Variants in TLCD4 observed in about 807,000 individuals in gnomAD.
The protein encoded by TLCD4 is TLC domain containing 4.
A neutral mutation model predicts 24.2 loss-of-function variants in TLCD4; 7 were observed. That is an observed-to-expected ratio of 0.29 (90% CI 0.16 to 0.54). TLCD4 has a LOEUF of 0.54. TLCD4 is among the 20% of genes least tolerant of loss of function. The probability of loss-of-function intolerance (pLI) is 0.95; values close to 1 mark genes in which losing one functional copy is unlikely to be tolerated. For missense variants in TLCD4, 259 were observed against 313.9 expected (o/e 0.82, Z 1.32); for synonymous variants, 103 against 106.4 (o/e 0.97, Z 0.20).
At chr1:95,120,410 C>G (rs796641780) in intron 1 of TLCD4, 15 of 152,302 alleles carry the variant, frequency 9.8e-5, no homozygotes, top group African/African-American at 3.6e-4. Flanking sequence ...GCTTGTTATT[C>G]CTGGTGAGAC....
intron 4 of TLCD4, among the ~76,000 whole-genome samples, chr1:95,151,023 G>A (rs1677478775): frequency 2.0e-5 from 3 of 152,174 alleles, no homozygotes; most frequent in Admixed American, 2.0e-4. Context: ...AAAAATAATG[G>A]CAAAAATCAC....
intron 2 of TLCD4, among the ~76,000 whole-genome samples, chr1:95,145,416 T>C (rs888950235): frequency 6.6e-6 from 1 of 152,200 alleles, no homozygotes; most frequent in African/African-American, 2.4e-5. Context: ...TTTTTTTTTG[T>C]ACTTTACAGT....
In TLCD4 at chr1:95,179,517, G is replaced by T. The variant is rs567902407; in HGVS notation, c.473+5628G>T. The stretch of plus-strand genomic sequence containing the variant: ...CTACTGCTTTAATGTTCACTATTTG[G>T]CTCTTTATGGAAATAGTTTTCCAGC... On this transcript the variant is annotated intron_variant, in intron 6 of 6. Coordinates refer to ENST00000370203, the MANE Select transcript of TLCD4 (RefSeq NM_152487.3). Among the ~76,000 whole-genome samples, 5 of 152,324 alleles carry T rather than the reference G, an allele frequency of 3.3e-5. No individual in the cohort carries two copies. In the South Asian group the frequency reaches 1.0e-3, roughly 32 times the overall value.
chr1:95,191,362 G>A (rs575217450), intron 6 of TLCD4, among the ~76,000 whole-genome samples, 188 bp from the exon 7 acceptor site: 8 of 151,944 alleles, frequency 5.3e-5, no homozygotes, highest in Non-Finnish European at 1.0e-4. Context: ...GATTACTGTC[G>A]CTTTATAGTT....
chr1:95,180,372 T>G (rs1049772409), intron 6 of TLCD4, among the ~76,000 whole-genome samples: 1 of 152,174 alleles, frequency 6.6e-6, no homozygotes, highest in African/African-American at 2.4e-5. Flanking sequence ...GTTAAGAAAA[T>G]GAGAACTGGC....
rs1245791346 is a variant in TLCD4 at position 95,196,340 on chromosome 1, ATTATT to A, written c.*4476_*4480del. 6.6e-6 allele frequency: 1 copy of A among 152,190 alleles called. No individual in the cohort carries two copies. The highest frequency in any genetic ancestry group is 2.4e-5 in the African/African-American group (1 of 41,458). The allele number at this position is 152,190 out of a possible 1,614,324, so 9.4% of individuals were successfully genotyped here. A position where few individuals can be genotyped will look rare whatever the true frequency, so the allele number is the denominator to read the frequency against. Reference sequence around the variant, plus strand: ...AGGGTGGATGCTGGCTTGTGCCAAAATTATTTTAGAGTCCTGCTCTTTAGGGAAAA... The same window carrying A: ...AGGGTGGATGCTGGCTTGTGCCAAAATTAGAGTCCTGCTCTTTAGGGAAAA... On this transcript the variant is annotated 3_prime_UTR_variant, in exon 7 of 7. Coordinates refer to ENST00000370203, the MANE Select transcript of TLCD4 (RefSeq NM_152487.3).
At chr1:95,187,742 T>G (rs1047674217) in intron 6 of TLCD4, among the ~76,000 whole-genome samples, 1 of 152,096 alleles carries the variant, frequency 6.6e-6, no homozygotes, top group Non-Finnish European at 1.5e-5. Flanking sequence ...ACTGTGTGTA[T>G]TAGTTTGTTG....
At chr1:95,104,791 G>A in the TLCD4 span, among the ~76,000 whole-genome samples, 1 of 151,914 alleles carries the variant, frequency 6.6e-6, no homozygotes, top group East Asian at 1.9e-4. Context: ...ACTTTGGGAA[G>A]CTGAGGTGGG....
At chr1:95,109,322 G>A in the TLCD4 span, among the ~76,000 whole-genome samples, 1 of 152,048 alleles carries the variant, frequency 6.6e-6, no homozygotes, top group Non-Finnish European at 1.5e-5. Flanking sequence ...CAGCCTGGGC[G>A]ACAGAGTGAG....
In TLCD4 at chr1:95,142,266, A is replaced by G. The variant is rs932344742; in HGVS notation, c.-11-1625A>G. On this transcript the variant is annotated intron_variant, in intron 1 of 6. Coordinates refer to ENST00000370203, the MANE Select transcript of TLCD4 (RefSeq NM_152487.3). Reference sequence around the variant, plus strand: ...ATTCTTTCTGCTAACTCGATTGTTAAGACCTGAAGCTCTTTTATAAAAATC... The same window carrying G: ...ATTCTTTCTGCTAACTCGATTGTTAGGACCTGAAGCTCTTTTATAAAAATC... 5.4e-5 allele frequency among the ~76,000 whole-genome samples: 8 copies of G among 147,686 alleles called. No individual in the cohort carries two copies. The South Asian group carries it at 1.7e-3, about 32-fold the overall frequency.
chr1:95,189,462 T>C (rs2101025500), intron 6 of TLCD4, among the ~76,000 whole-genome samples: 1 of 152,340 alleles, frequency 6.6e-6, no homozygotes, highest in Admixed American at 6.5e-5. Flanking sequence ...CTGTGGGTTT[T>C]GATAAGTGCA....
intron 1 of TLCD4, among the ~76,000 whole-genome samples, chr1:95,132,263 C>T (rs1361459958): frequency 6.6e-6 from 1 of 151,648 alleles, no homozygotes; most frequent in Non-Finnish European, 1.5e-5. Flanking sequence ...GAGACCAGCC[C>T]GACCAACATA....
intron 6 of TLCD4, among the ~76,000 whole-genome samples, chr1:95,188,281 G>C (rs7546993): frequency 6.6e-6 from 1 of 151,722 alleles, no homozygotes; most frequent in African/African-American, 2.4e-5. Context: ...CCAGCTACTC[G>C]GGAGGCTGAG....
At chr1:95,180,286 T>C (rs993569135) in intron 6 of TLCD4, among the ~76,000 whole-genome samples, 2 of 152,196 alleles carry the variant, frequency 1.3e-5, no homozygotes, top group Non-Finnish European at 1.5e-5. Context: ...ATTATAAAAT[T>C]AGAGATAGTT....
the TLCD4 span, among the ~76,000 whole-genome samples, chr1:95,098,623 T>C: frequency 6.6e-6 from 1 of 152,180 alleles, no homozygotes; most frequent in Non-Finnish European, 1.5e-5. Context: ...TCCTAATCTC[T>C]CTGGATTTTG....
At chr1:95,150,142 A>G in intron 3 of TLCD4, 66 bp from the exon 4 acceptor site, 1 of 1,530,658 alleles carries the variant, frequency 6.5e-7, no homozygotes, top group East Asian at 2.3e-5. Context: ...AAATCTCTAT[A>G]GAAAAAAGAA....
intron 5 of TLCD4, among the ~76,000 whole-genome samples, chr1:95,162,141 T>G (rs931866642): frequency 2.5e-4 from 38 of 152,230 alleles, no homozygotes; most frequent in Admixed American, 4.6e-4. Context: ...AGTCTAAGTC[T>G]CTTTGTAGGT....
At chr1:95,095,076 A>T in the TLCD4 span, among the ~76,000 whole-genome samples, 1 of 152,294 alleles carries the variant, frequency 6.6e-6, no homozygotes, top group East Asian at 1.9e-4. Flanking sequence ...TCTTACTAGG[A>T]TCTGTGAAGG....
chr1:95,113,456 A>T (rs572731457), upstream of TLCD4, among the ~76,000 whole-genome samples: 1 of 152,176 alleles, frequency 6.6e-6, no homozygotes, highest in African/African-American at 2.4e-5. Context: ...ATACCATAAG[A>T]TGTCAATAAA....
Sources: allele counts gnomAD v4.1 joint callset (sites outside exome capture counted in the v4.1 genomes callset), GRCh38; gene constraint gnomAD v4.1.1; transcripts MANE v1.5; gene names NCBI Gene and HGNC (gene_info 2026-07-23, HGNC 2026-07-21).